C1QB: variants seen among roughly 807,000 people sequenced by gnomAD.
C1QB encodes complement C1q B chain.
A neutral mutation model predicts 4.6 loss-of-function variants in C1QB; 2 were observed. That is an observed-to-expected ratio of 0.43 (90% CI 0.18 to 1.36). C1QB has a LOEUF of 1.36. Among genes scored for constraint, C1QB ranks in the 40% most tolerant of loss-of-function variants. C1QB has a pLI of 0.28. For missense variants in C1QB, 292 were observed against 338.0 expected (o/e 0.86, Z 1.07); for synonymous variants, 132 against 137.1 (o/e 0.96, Z 0.26).
At chr1:22,657,001 G>A (rs1642539938) in intron 1 of C1QB, among the ~76,000 whole-genome samples, 5 of 152,198 alleles carry the variant, frequency 3.3e-5, no homozygotes, top group Admixed American at 3.3e-4. Context: ...AGGTCCCTGG[G>A]CATGCTGCCC....
Position 22,661,477 on chromosome 1 carries a change from A to C in C1QB, c.*91A>C. On this transcript the variant is annotated 3_prime_UTR_variant, in exon 3 of 3. Transcript: ENST00000509305. ...CACCCCTTGCCCAACCAATGCACAC[A>C]GTAGGGCTTGGTGAATGCTGCTGAG... 6.9e-7 allele frequency: 1 copy of C among 1,441,366 alleles called. No individual in the cohort carries two copies. The highest frequency in any genetic ancestry group is 9.7e-7 in the Non-Finnish European group (1 of 1,029,542). The allele number at this position is 1,441,366 out of a possible 1,614,324, so 89.3% of individuals were successfully genotyped here.
intron 2 of C1QB, 86 bp from the exon 3 acceptor site, chr1:22,660,726 A>G (rs1396539374): frequency 7.5e-7 from 1 of 1,339,934 alleles, no homozygotes; most frequent in Non-Finnish European, 1.1e-6. Flanking sequence ...AGGCTCAGAG[A>G]GAGGCAGGGC....
In C1QB at chr1:22,661,250, C is replaced by G; in HGVS notation, c.620C>G (p.Thr207Ser). The change falls in exon 3 of 3, where the codon ACC becomes AGC. Residue 207 changes from threonine (T) to serine (S), a missense_variant. Thr to Ser is a moderately conservative substitution (Grantham distance 58). Coordinates refer to ENST00000509305, the MANE Select transcript of C1QB (RefSeq NM_001378156.1). Reference sequence around the variant, plus strand: ...GCCTACAACACCTTCCAGGTCACCACCGGTGGCATGGTCCTCAAGCTGGAG... The same window carrying G: ...GCCTACAACACCTTCCAGGTCACCAGCGGTGGCATGGTCCTCAAGCTGGAG... ...DYAYNTFQVT[T>S]GGMVLKLEQG... 4 of 1,613,370 alleles carry G rather than the reference C, an allele frequency of 2.5e-6. No individual in the cohort carries two copies. The highest frequency in any genetic ancestry group is 2.5e-6 in the Non-Finnish European group (3 of 1,179,388).
chr1:22,660,534 C>A (rs552153528), intron 2 of C1QB, among the ~76,000 whole-genome samples: 1 of 152,202 alleles, frequency 6.6e-6, no homozygotes, highest in East Asian at 1.9e-4. Flanking sequence ...TGAAGAAGGA[C>A]CCCCACACAA....
chr1:22,659,229 T>C (rs1642579819), intron 1 of C1QB, among the ~76,000 whole-genome samples: 1 of 142,588 alleles, frequency 7.0e-6, no homozygotes, highest in African/African-American at 2.7e-5. Flanking sequence ...GATGGATGGA[T>C]GCAGGGATGG....
intron 1 of C1QB, among the ~76,000 whole-genome samples, chr1:22,654,986 G>A (rs1051421174): frequency 6.6e-6 from 1 of 152,180 alleles, no homozygotes; most frequent in Admixed American, 6.5e-5. Context: ...CAGTGGATGT[G>A]GGTTTGACTC....
intron 1 of C1QB, 80 bp downstream of exon 1, chr1:22,653,383 T>C (rs1642482126): frequency 1.3e-5 from 2 of 152,298 alleles, no homozygotes; most frequent in African/African-American, 2.4e-5. Context: ...GTGTGAGCTT[T>C]GCGTCACCTG....
At chr1:22,655,485 GC>G (rs2148302282) in intron 1 of C1QB, among the ~76,000 whole-genome samples, 1 of 151,976 alleles carries the variant, frequency 6.6e-6, no homozygotes, top group Admixed American at 6.6e-5. Flanking sequence ...GTCCCAGGGA[GC>G]CCTCCACATG....
At position 22,655,973 on chromosome 1, in the gene C1QB, T is replaced by A. The variant is rs1026254107; in HGVS notation, c.-24+2670T>A. 5.3e-5 allele frequency among the ~76,000 whole-genome samples: 8 copies of A among 152,236 alleles called. No individual in the cohort carries two copies. The East Asian group carries it at 1.5e-3, about 29-fold the overall frequency. On this transcript the variant is annotated intron_variant, in intron 1 of 2. Coordinates refer to ENST00000509305, the MANE Select transcript of C1QB (RefSeq NM_001378156.1). ...CGAGAGGTAATGAGCTGCCCATCAC[T>A]GAAACGGTGCAAACTATGGATGGAA...
At chr1:22,658,907 A>G (rs1642567712) in intron 1 of C1QB, among the ~76,000 whole-genome samples, 1 of 97,620 alleles carries the variant, frequency 1.0e-5, no homozygotes, top group Non-Finnish European at 2.8e-5. Context: ...GGATGGATGG[A>G]TGGATGCAGG....
In C1QB at chr1:22,661,317, A is replaced by G. The variant is rs767608286; in HGVS notation, c.687A>G (p.Ser229=). The change falls in exon 3 of 3, where the codon TCA becomes TCG. Residue 229 remains serine (S), a synonymous_variant. Coordinates refer to ENST00000509305, the MANE Select transcript of C1QB (RefSeq NM_001378156.1). ...NVFLQATDKN[S]LLGMEGANSI... is the part of the protein sequence containing the mutation. ...TCCTGCAGGCCACCGACAAGAACTC[A>G]CTACTGGGCATGGAGGGTGCCAACA... is the stretch of plus-strand genomic sequence containing the variant. The G allele has an allele frequency of 2.5e-6, 4 of 1,613,846 alleles. No individual in the cohort carries two copies. In the Admixed American group the frequency reaches 5.0e-5, roughly 20 times the overall value.
rs1192402789 is a variant in C1QB at position 22,661,080 on chromosome 1, T to C, written c.450T>C (p.Asn150=). ...ACGTGATCACCAACATGAACAACAA[T>C]TATGAGCCCCGCAGTGGCAAGTTCA... ...FDHVITNMNN[N]YEPRSGKFTC... Residue 150 remains asparagine, a synonymous_variant, in exon 3 of 3, where the codon AAT becomes AAC. Transcript: ENST00000509305. The C allele has an allele frequency of 6.2e-7, 1 of 1,613,958 alleles. No individual in the cohort carries two copies. The highest frequency in any genetic ancestry group is 1.1e-5 in the South Asian group (1 of 91,064).
chr1:22,658,190 T>C (rs886878822), intron 1 of C1QB, among the ~76,000 whole-genome samples: 6 of 152,212 alleles, frequency 3.9e-5, no homozygotes, highest in African/African-American at 1.2e-4. Flanking sequence ...AGTAGCTTAG[T>C]TGCCTCTCCA....
rs536066413 is a variant in C1QB, at chr1:22,653,241, G to C, written c.-86G>C. ...TTCCGCTTCGGACCGAGGGCAGTAG[G>C]CTCTCGGCTCCTGGTCCCACTGCTG... On this transcript the variant is annotated 5_prime_UTR_variant, in exon 1 of 3. Coordinates refer to ENST00000509305, the MANE Select transcript of C1QB (RefSeq NM_001378156.1). 42 of 152,336 alleles carry C rather than the reference G, an allele frequency of 2.8e-4. No homozygotes were observed. Among genetic ancestry groups the C allele is most frequent in the African/African-American group, 9.9e-4 (41 of 41,580 alleles). The allele number at this position is 152,336 out of a possible 1,614,324, so 9.4% of individuals were successfully genotyped here.
chr1:22,654,841 A>T (rs1557610254), intron 1 of C1QB, among the ~76,000 whole-genome samples: 1 of 152,212 alleles, frequency 6.6e-6, no homozygotes, highest in East Asian at 1.9e-4. Flanking sequence ...CTTTCACCGA[A>T]CACTGACCAT....
At chr1:22,659,348 ATGG>A in intron 1 of C1QB, 89 bp from the exon 2 acceptor site, 1 of 188,848 alleles carries the variant, frequency 5.3e-6, no homozygotes, top group South Asian at 7.6e-5. Flanking sequence ...GAATAGAGAG[ATGG>A]ATGGATGGAT....
At chr1:22,659,346 AG>A (rs1642584232) in intron 1 of C1QB, 93 bp from the exon 2 acceptor site, 1 of 847,182 alleles carries the variant, frequency 1.2e-6, no homozygotes, top group South Asian at 1.6e-5. Context: ...AGGAATAGAG[AG>A]ATGGATGGAT....
chr1:22,660,138 G>A (rs623183), intron 2 of C1QB, among the ~76,000 whole-genome samples: 32,807 of 152,094 alleles, frequency 0.22, 4,106 homozygotes, highest in African/African-American at 0.35. Flanking sequence ...AACTGTCTGT[G>A]CCAGTCACTC....
chr1:22,654,146 G>C (rs1482880511), intron 1 of C1QB: 1 of 152,454 alleles, frequency 6.6e-6, no homozygotes, highest in Non-Finnish European at 1.5e-5. Context: ...CTGCTGGACC[G>C]AAGGAGATGG....
Sources: allele counts gnomAD v4.1 joint callset (sites outside exome capture counted in the v4.1 genomes callset), GRCh38; gene constraint gnomAD v4.1.1; transcripts MANE v1.5; gene names NCBI Gene and HGNC (gene_info 2026-07-23, HGNC 2026-07-21).